STX8: variants seen among roughly 807,000 people sequenced by gnomAD.
The protein encoded by STX8 is syntaxin-8.
In STX8, 23 loss-of-function variants were observed where a neutral mutation model predicts 37.5. The observed-to-expected ratio is 0.61, with a 90% CI of 0.44 to 0.87. STX8 has a LOEUF of 0.87. Among genes scored for constraint, STX8 ranks in the 40% least tolerant of loss-of-function variants. STX8 has a pLI of 0.00. For missense variants in STX8, 313 were observed against 284.7 expected (o/e 1.10, Z -0.71); for synonymous variants, 115 against 99.1 (o/e 1.16, Z -0.95).
intron 7 of STX8, among the ~76,000 whole-genome samples, chr17:9,376,577 A>G (rs914721449): frequency 3.9e-5 from 6 of 152,310 alleles, no homozygotes; most frequent in South Asian, 2.1e-4. Flanking sequence ...GTCCCCTTAC[A>G]TGCTGTGGAA....
chr17:9,298,292 G>A (rs953172439), intron 7 of STX8, among the ~76,000 whole-genome samples: 9 of 152,174 alleles, frequency 5.9e-5, no homozygotes, highest in South Asian at 4.1e-4. Flanking sequence ...GTGAGTTGGC[G>A]GAGGTGGAAC....
At chr17:9,284,286 A>G (rs779912838) in intron 7 of STX8, among the ~76,000 whole-genome samples, 3 of 152,252 alleles carry the variant, frequency 2.0e-5, no homozygotes, top group Admixed American at 2.0e-4. Context: ...TTTTTAAAAA[A>G]TCAGCATCTT....
chr17:9,450,766 C>G (rs1905014615), intron 6 of STX8, among the ~76,000 whole-genome samples: 1 of 151,908 alleles, frequency 6.6e-6, no homozygotes. Flanking sequence ...CTTTTCTCCC[C>G]ATTCACACAG....
intron 7 of STX8, among the ~76,000 whole-genome samples, chr17:9,334,206 G>A (rs368900349): frequency 3.3e-5 from 5 of 151,964 alleles, no homozygotes; most frequent in South Asian, 2.1e-4. Context: ...GGGTGGTGCC[G>A]GTTGATCCAT....
chr17:9,536,325 G>T (rs1396809756), intron 4 of STX8, among the ~76,000 whole-genome samples: 1 of 152,156 alleles, frequency 6.6e-6, no homozygotes, highest in Non-Finnish European at 1.5e-5. Flanking sequence ...GGAGATGAAG[G>T]GAAATGAAGA....
intron 7 of STX8, among the ~76,000 whole-genome samples, chr17:9,315,226 AT>A (rs1299561915): frequency 6.6e-6 from 1 of 151,916 alleles, no homozygotes; most frequent in Non-Finnish European, 1.5e-5. Flanking sequence ...CAGACACCTC[AT>A]TATACCCCCT....
At chr17:9,250,730 AGGG>A in intron 7 of STX8, 85 bp from the exon 8 acceptor site, 2 of 1,380,642 alleles carry the variant, frequency 1.4e-6, no homozygotes, top group African/African-American at 1.4e-5. Flanking sequence ...AGAGACTCAG[AGGG>A]ATGTAGTTCC....
intron 7 of STX8, among the ~76,000 whole-genome samples, chr17:9,317,747 C>G (rs1909433918): frequency 6.8e-6 from 1 of 146,898 alleles, no homozygotes; most frequent in Admixed American, 6.9e-5. Context: ...GCCTGGGTGA[C>G]AGTGAGACTC....
chr17:9,379,454 TAC>T (rs1200773179), intron 6 of STX8, among the ~76,000 whole-genome samples: 2 of 152,080 alleles, frequency 1.3e-5, no homozygotes, highest in Non-Finnish European at 2.9e-5. Flanking sequence ...GTCACAACAG[TAC>T]AATGTAATTC....
intron 5 of STX8, 54 bp downstream of exon 5, chr17:9,504,984 A>AAAAAAAAAAAAAAAAAC: frequency 6.8e-7 from 1 of 1,476,038 alleles, no homozygotes; most frequent in Non-Finnish European, 9.0e-7. Context: ...AAAAAAAAAA[A>AAAAAAAAAAAAAAAAAC]AAAAAAAATT....
chr17:9,440,525 A>T (rs1168711422), intron 6 of STX8, among the ~76,000 whole-genome samples: 1 of 99,800 alleles, frequency 1.0e-5, no homozygotes, highest in South Asian at 2.9e-4. Context: ...TGAATCAATG[A>T]TTTTTTTTTT....
intron 7 of STX8, among the ~76,000 whole-genome samples, chr17:9,271,327 GC>G (rs1164876779): frequency 3.3e-5 from 5 of 152,114 alleles, no homozygotes; most frequent in African/African-American, 1.2e-4. Flanking sequence ...GATGGCATGT[GC>G]CTGTAATCCC....
At chr17:9,429,643 C>T (rs1165955551) in intron 6 of STX8, among the ~76,000 whole-genome samples, 8 of 131,478 alleles carry the variant, frequency 6.1e-5, no homozygotes, top group African/African-American at 2.3e-4. Context: ...GCGGAGCTTG[C>T]AGTGAGCTGA....
chr17:9,288,296 C>T (rs968769590), intron 7 of STX8, among the ~76,000 whole-genome samples: 10 of 151,308 alleles, frequency 6.6e-5, no homozygotes, highest in African/African-American at 2.4e-4. Context: ...TATGTAATAT[C>T]TATGAAATTA....
At chr17:9,268,121 G>A (rs1346744396) in intron 7 of STX8, among the ~76,000 whole-genome samples, 1 of 152,046 alleles carries the variant, frequency 6.6e-6, no homozygotes, top group East Asian at 1.9e-4. Context: ...TCTAGGCCTT[G>A]GAACCCTAAT....
At chr17:9,334,314 A>G (rs570212580) in intron 7 of STX8, among the ~76,000 whole-genome samples, 3 of 152,298 alleles carry the variant, frequency 2.0e-5, no homozygotes, top group African/African-American at 4.8e-5. Context: ...CTCCTAAAGC[A>G]TAACTTATAA....
intron 7 of STX8, among the ~76,000 whole-genome samples, chr17:9,333,267 T>C (rs1004222096): frequency 4.6e-5 from 7 of 152,176 alleles, no homozygotes; most frequent in Admixed American, 3.3e-4. Context: ...TCCCCCACAA[T>C]AGTCCCCAAT....
At chr17:9,482,390 C>T (rs9914976) in intron 6 of STX8, among the ~76,000 whole-genome samples, 3,690 of 151,972 alleles carry the variant, frequency 0.024, 132 homozygotes, top group African/African-American at 0.082. Context: ...ATGAAATATA[C>T]AACTATTAAA....
chr17:9,496,842 G>C (rs1031787790), intron 5 of STX8, among the ~76,000 whole-genome samples: 3 of 152,088 alleles, frequency 2.0e-5, no homozygotes, highest in Non-Finnish European at 2.9e-5. Context: ...GAGCCCTCTA[G>C]AAGCTACAAA....
Sources: gnomAD v4.1 joint callset for allele counts (sites outside exome capture counted in the v4.1 genomes callset) on GRCh38, gnomAD v4.1.1 for gene constraint, MANE v1.5 for transcripts, NCBI Gene and HGNC (gene_info 2026-07-23, HGNC 2026-07-21) for gene names.